Variants in GRK5 observed in about 807,000 individuals in gnomAD.
GRK5 encodes the protein g protein-coupled receptor kinase GRK5.
A neutral mutation model predicts 78.4 loss-of-function variants in GRK5; 40 were observed. The ratio of observed to expected loss-of-function variants is 0.51; its 90% CI spans 0.40 to 0.66. The LOEUF (loss-of-function observed/expected upper bound fraction) is 0.66, where lower values mean the gene tolerates loss of function less well. Among genes scored for constraint, GRK5 ranks in the 30% least tolerant of loss-of-function variants. The pLI is 0.00. For missense variants in GRK5, 598 were observed against 759.9 expected (o/e 0.79, Z 2.50); for synonymous variants, 289 against 296.8 (o/e 0.97, Z 0.27).
intron 13 of GRK5, among the ~76,000 whole-genome samples, chr10:119,450,275 C>G (rs1853247863): frequency 6.6e-6 from 1 of 152,174 alleles, no homozygotes; most frequent in Non-Finnish European, 1.5e-5. Flanking sequence ...CTACCTATTG[C>G]TATGGTGACG....
chr10:119,340,530 G>A (rs1850965752), intron 2 of GRK5, among the ~76,000 whole-genome samples: 1 of 152,268 alleles, frequency 6.6e-6, no homozygotes, highest in Non-Finnish European at 1.5e-5. Context: ...AACTGCCAAT[G>A]AGATAAGGAT....
At position 119,456,986 on chromosome 10, in the gene GRK5, G is replaced by C. The variant is rs1853409909; in HGVS notation, c.*1919G>C. 6.6e-6 allele frequency: 1 copy of C among 152,192 alleles called. No homozygotes were observed. The highest frequency in any genetic ancestry group is 2.4e-5 in the African/African-American group (1 of 41,440). 9.4% of individuals were successfully genotyped at this position (152,192 alleles called of 1,614,324 possible). ...TGGGCTTCCCTCAAATCTTTTTAATGTGCAGTATTTTTTTGTTCAAGACCA... is the reference window on the plus strand; with the variant it reads ...TGGGCTTCCCTCAAATCTTTTTAATCTGCAGTATTTTTTTGTTCAAGACCA... On this transcript the variant is annotated 3_prime_UTR_variant, in exon 16 of 16. Coordinates refer to ENST00000392870, the MANE Select transcript of GRK5 (RefSeq NM_005308.3). The surrounding 1 kb of genome is among the most constrained non-coding windows in gnomAD (Gnocchi z 5.5).
intron 1 of GRK5, among the ~76,000 whole-genome samples, chr10:119,322,870 G>A (rs1325893590): frequency 2.0e-5 from 3 of 152,174 alleles, no homozygotes; most frequent in Non-Finnish European, 2.9e-5. Context: ...CCATAGCAGC[G>A]TTATACGTAA....
chr10:119,384,807 T>C (rs1444934324), intron 3 of GRK5, among the ~76,000 whole-genome samples: 2 of 152,158 alleles, frequency 1.3e-5, no homozygotes, highest in African/African-American at 2.4e-5. Context: ...TCCAGGCTCC[T>C]TCCTCTGCAT....
chr10:119,443,507 C>G, intron 11 of GRK5, 37 bp from the exon 12 acceptor site: 1 of 1,561,854 alleles, frequency 6.4e-7, no homozygotes, highest in South Asian at 1.1e-5. Context: ...AGCTGTCTCC[C>G]TCCTCCTCAC....
chr10:119,288,612 C>T (rs1363265616), intron 1 of GRK5, among the ~76,000 whole-genome samples: 1 of 152,232 alleles, frequency 6.6e-6, no homozygotes, highest in Non-Finnish European at 1.5e-5. Flanking sequence ...GCTGCAGCAA[C>T]ATGGTGGGCT....
At chr10:119,341,268 C>T (rs907085545) in intron 2 of GRK5, among the ~76,000 whole-genome samples, 1 of 152,234 alleles carries the variant, frequency 6.6e-6, no homozygotes, top group Non-Finnish European at 1.5e-5. Flanking sequence ...TGTCAGTCTG[C>T]TCTCGCCACC....
intron 1 of GRK5, among the ~76,000 whole-genome samples, chr10:119,287,343 G>A (rs61874492): frequency 1.2e-3 from 1 of 842 alleles, no homozygotes; most frequent in Non-Finnish European, 3.2e-3. Context: ...GGAGAGAGGA[G>A]GAAGGGAAGG....
chr10:119,333,984 G>A (rs1422258344), intron 2 of GRK5: 3 of 392,928 alleles, frequency 7.6e-6, no homozygotes, highest in East Asian at 1.4e-4. Flanking sequence ...CTGAGGGCCT[G>A]GACCACAGGC....
Position 119,217,646 on chromosome 10 carries a change from A to G in GRK5, c.52+9677A>G, listed in dbSNP as rs189480712. On this transcript the variant is annotated intron_variant, in intron 1 of 15. Transcript: ENST00000392870. This position sits in a 1 kb window ranked among gnomAD's most constrained non-coding sequence, Gnocchi z 4.1. ...TGGTGGTGGTGGGGACAGTCATGGG[A>G]GTTTAGGTGTGGGCCACATCATTGG... Among the ~76,000 whole-genome samples the G allele has an allele frequency of 1.3e-5, 2 of 152,106 alleles. No homozygotes were observed. The highest frequency in any genetic ancestry group is 4.8e-5 in the African/African-American group (2 of 41,490).
intron 1 of GRK5, among the ~76,000 whole-genome samples, chr10:119,294,321 G>A (rs1850041894): frequency 6.6e-6 from 1 of 152,186 alleles, no homozygotes; most frequent in African/African-American, 2.4e-5. Flanking sequence ...TCTTGCGGGT[G>A]AGGACCACAT....
chr10:119,436,842 G>A lies in GRK5; in HGVS notation c.929+1G>A. The A allele has an allele frequency of 6.3e-7, 1 of 1,591,062 alleles. No homozygotes were observed. Among genetic ancestry groups the A allele is most frequent in the Non-Finnish European group, 8.6e-7 (1 of 1,165,912 alleles). ...TCCACCGTGAGAACACCGTCTACCG[G>A]TGAGTGGAAGGCACCAAGGACTTCC... On this transcript the variant is annotated splice_donor_variant, in intron 9 of 15. Coordinates refer to ENST00000392870, the MANE Select transcript of GRK5 (RefSeq NM_005308.3). LOFTEE classifies it high-confidence loss of function.
intron 1 of GRK5, among the ~76,000 whole-genome samples, chr10:119,302,436 C>T (rs1220877963): frequency 5.3e-5 from 8 of 152,152 alleles, no homozygotes. Context: ...CTGTTTATTT[C>T]CAGAGCAGAA....
chr10:119,394,126 G>GGGTA (rs1851938782), intron 3 of GRK5, among the ~76,000 whole-genome samples: 1 of 143,350 alleles, frequency 7.0e-6, no homozygotes, highest in African/African-American at 2.6e-5. Flanking sequence ...GTGTGTGTGT[G>GGGTA]TGTGTGGGTA....
chr10:119,322,772 A>G (rs1440620259), intron 1 of GRK5, among the ~76,000 whole-genome samples: 1 of 152,200 alleles, frequency 6.6e-6, no homozygotes, highest in Non-Finnish European at 1.5e-5. Flanking sequence ...TTAAACATAT[A>G]TACCATATAA....
chr10:119,420,999 G>A (rs1276468230), intron 4 of GRK5, among the ~76,000 whole-genome samples: 2 of 152,340 alleles, frequency 1.3e-5, no homozygotes, highest in East Asian at 1.9e-4. Flanking sequence ...GTGCACACAG[G>A]TGGGCAACTC....
intron 1 of GRK5, among the ~76,000 whole-genome samples, chr10:119,266,602 G>C (rs893341267): frequency 6.6e-6 from 1 of 152,080 alleles, no homozygotes; most frequent in Admixed American, 6.6e-5. Flanking sequence ...AAGCCGGTGG[G>C]GCTGGCCAAG....
At chr10:119,427,176 CATCACCGCCATCATCAGT>C (rs1852701991) in intron 6 of GRK5, among the ~76,000 whole-genome samples, 1 of 151,378 alleles carries the variant, frequency 6.6e-6, no homozygotes, top group African/African-American at 2.4e-5. Flanking sequence ...CCATCATCAG[CATCACCGCCATCATCAGT>C]ATCACCGCCA....
intron 2 of GRK5, among the ~76,000 whole-genome samples, chr10:119,352,761 TCATTCCACCACCTGC>T (rs1479325810): frequency 2.6e-5 from 4 of 152,190 alleles, no homozygotes; most frequent in African/African-American, 9.6e-5. Context: ...CAAACCAGTC[TCATTCCACCACCTGC>T]CATCCTCTGG....
Sources: allele counts gnomAD v4.1 joint callset (sites outside exome capture counted in the v4.1 genomes callset), GRCh38; gene constraint gnomAD v4.1.1; non-coding constraint Gnocchi (gnomAD v3.1); transcripts MANE v1.5; gene names NCBI Gene and HGNC (gene_info 2026-07-23, HGNC 2026-07-21).